ATP8A2: variants seen among roughly 807,000 people sequenced by gnomAD.
ATP8A2 encodes phospholipid-transporting ATPase IB.
In ATP8A2, 100 loss-of-function variants were observed where a neutral mutation model predicts 165.6. That is an observed-to-expected ratio of 0.60 (90% CI 0.51 to 0.71). The LOEUF (loss-of-function observed/expected upper bound fraction) is 0.71. ATP8A2 is among the 30% of genes least tolerant of loss of function. ATP8A2 has a pLI of 0.00. For synonymous variants in ATP8A2, 543 were observed against 548.8 expected (o/e 0.99, Z 0.15); for missense variants, 1,227 against 1,479.5 (o/e 0.83, Z 2.80).
intron 1 of ATP8A2, among the ~76,000 whole-genome samples, chr13:25,373,644 C>T (rs948716703): frequency 6.6e-6 from 1 of 152,134 alleles, no homozygotes; most frequent in African/African-American, 2.4e-5. Flanking sequence ...AAGATGCCCC[C>T]AAGGGTTTTG....
chr13:25,402,326 C>T (rs989186902), intron 1 of ATP8A2, among the ~76,000 whole-genome samples: 1 of 152,148 alleles, frequency 6.6e-6, no homozygotes, highest in African/African-American at 2.4e-5. Flanking sequence ...GAAAGCAAAA[C>T]GGTGGGTCAA....
rs555832923 is a variant in ATP8A2 at position 25,579,464 on chromosome 13, G to A, written c.1868-344G>A. Among the ~76,000 whole-genome samples the A allele has an allele frequency of 1.1e-3, 163 of 152,218 alleles. 1 individual carries two copies. Among genetic ancestry groups the A allele is most frequent in the African/African-American group, 3.9e-3 (161 of 41,542 alleles). ...GATCTTTCATGGGATAGCACGTGGG[G>A]CCTTTCCTTGCTGTCTTGAAACACA... is the stretch of plus-strand genomic sequence containing the variant. On this transcript the variant is annotated intron_variant, in intron 21 of 36. Coordinates refer to ENST00000381655, the MANE Select transcript of ATP8A2 (RefSeq NM_016529.6).
At position 25,751,944 on chromosome 13, in the gene ATP8A2, T is replaced by C. The variant is rs373557172; in HGVS notation, c.2385-17102T>C. On this transcript the variant is annotated intron_variant, in intron 25 of 36. Transcript: ENST00000381655. ...TGTGTCTAAAATTGGATGCTACTGTTACGTGTACTGTTGTAATTTGCTTTC... is the reference window on the plus strand; with the variant it reads ...TGTGTCTAAAATTGGATGCTACTGTCACGTGTACTGTTGTAATTTGCTTTC... Among the ~76,000 whole-genome samples, 6 of 150,782 alleles carry C rather than the reference T, an allele frequency of 4.0e-5. No individual in the cohort carries two copies. In the South Asian group the frequency reaches 8.5e-4, roughly 21 times the overall value.
chr13:25,758,507 A>G (rs2044311608), intron 25 of ATP8A2, among the ~76,000 whole-genome samples: 1 of 152,228 alleles, frequency 6.6e-6, no homozygotes. Flanking sequence ...TTAGAAAAGC[A>G]AGTTGCAAAA....
intron 1 of ATP8A2, among the ~76,000 whole-genome samples, chr13:25,398,073 T>C (rs1404787811): frequency 6.6e-6 from 1 of 152,154 alleles, no homozygotes; most frequent in Non-Finnish European, 1.5e-5. Flanking sequence ...GGTGTCAGAC[T>C]CTTAGTTAAT....
intron 1 of ATP8A2, among the ~76,000 whole-genome samples, chr13:25,415,513 A>T (rs1404678911): frequency 2.0e-5 from 3 of 152,100 alleles, no homozygotes; most frequent in Non-Finnish European, 4.4e-5. Flanking sequence ...ATCAAATGAC[A>T]CTCCCACTTG....
intron 2 of ATP8A2, among the ~76,000 whole-genome samples, chr13:25,469,928 T>C (rs531841798): frequency 6.6e-6 from 1 of 152,350 alleles, no homozygotes; most frequent in Admixed American, 6.5e-5. Context: ...AACAACTTTG[T>C]ATCTGGGAGA....
intron 27 of ATP8A2, among the ~76,000 whole-genome samples, chr13:25,786,025 TAAAACACC>T (rs1470818880): frequency 1.3e-5 from 2 of 152,242 alleles, no homozygotes; most frequent in African/African-American, 4.8e-5. Flanking sequence ...CCCTCGGTTT[TAAAACACC>T]CTTATGTATG....
chr13:25,804,848 A>C (rs1486211907), intron 27 of ATP8A2, among the ~76,000 whole-genome samples: 4 of 152,182 alleles, frequency 2.6e-5, no homozygotes, highest in African/African-American at 9.7e-5. Flanking sequence ...AGCATCAAGA[A>C]AAGGTAGAAG....
At chr13:25,933,824 G>C (rs1269844937) in intron 33 of ATP8A2, among the ~76,000 whole-genome samples, 1 of 152,228 alleles carries the variant, frequency 6.6e-6, no homozygotes, top group Non-Finnish European at 1.5e-5. Flanking sequence ...CTTGGCTGCA[G>C]CTAATTTGTC....
intron 1 of ATP8A2, among the ~76,000 whole-genome samples, chr13:25,384,202 C>T (rs1182508157): frequency 6.6e-6 from 1 of 152,156 alleles, no homozygotes; most frequent in Non-Finnish European, 1.5e-5. Flanking sequence ...GTTCTTGTTC[C>T]TTTGCAGCTT....
At chr13:25,909,818 G>T (rs879838422) in intron 33 of ATP8A2, among the ~76,000 whole-genome samples, 4 of 152,050 alleles carry the variant, frequency 2.6e-5, no homozygotes, top group Non-Finnish European at 2.9e-5. Context: ...CCCCAACTCA[G>T]CCGGTTATAT....
intron 6 of ATP8A2, among the ~76,000 whole-genome samples, chr13:25,536,760 C>T (rs1007874066): frequency 3.3e-5 from 5 of 152,210 alleles, no homozygotes; most frequent in Non-Finnish European, 7.3e-5. Flanking sequence ...CTTCTGGTAT[C>T]GTCAGAGAAT....
At chr13:25,767,950 A>G (rs73154581) in intron 25 of ATP8A2, among the ~76,000 whole-genome samples, 2,157 of 152,104 alleles carry the variant, frequency 0.014, 25 homozygotes, top group Non-Finnish European at 0.021. Flanking sequence ...TGAAGTTCTT[A>G]CTGGGCAAAT....
intron 2 of ATP8A2, among the ~76,000 whole-genome samples, chr13:25,492,771 C>G (rs1056484375): frequency 1.3e-5 from 2 of 152,150 alleles, no homozygotes; most frequent in African/African-American, 4.8e-5. Flanking sequence ...GAAAGTGTTT[C>G]CATTACCTGT....
At chr13:25,729,829 A>G (rs1021223353) in intron 25 of ATP8A2, among the ~76,000 whole-genome samples, 9 of 152,198 alleles carry the variant, frequency 5.9e-5, no homozygotes, top group African/African-American at 2.2e-4. Context: ...TCGGGATGCT[A>G]AGTGTAACGT....
intron 24 of ATP8A2, among the ~76,000 whole-genome samples, chr13:25,696,902 C>A (rs867350356): frequency 4.3e-4 from 65 of 152,304 alleles, no homozygotes; most frequent in African/African-American, 1.5e-3. Flanking sequence ...GTGCACCATG[C>A]TTTTGACATG....
chr13:25,946,971 C>T (rs1368074385), intron 33 of ATP8A2, among the ~76,000 whole-genome samples: 1 of 152,182 alleles, frequency 6.6e-6, no homozygotes, highest in South Asian at 2.1e-4. Context: ...TGGTCTTGAA[C>T]TTCTGGCCTC....
At chr13:25,459,168 G>A (rs2035440372) in intron 1 of ATP8A2, among the ~76,000 whole-genome samples, 1 of 152,182 alleles carries the variant, frequency 6.6e-6, no homozygotes, top group Non-Finnish European at 1.5e-5. Context: ...GCCAGAGGAC[G>A]ATGAAGTGAT....
Sources: allele counts gnomAD v4.1 joint callset (sites outside exome capture counted in the v4.1 genomes callset), GRCh38; gene constraint gnomAD v4.1.1; transcripts MANE v1.5; gene names NCBI Gene and HGNC (gene_info 2026-07-23, HGNC 2026-07-21).